The following RGS9 variants were observed in gnomAD, a reference collection of about 807,000 sequenced individuals.
RGS9 encodes the protein regulator of G protein signaling 9, also known as regulator of G-protein signalling 9.
A neutral mutation model predicts 102.0 loss-of-function variants in RGS9; 78 were observed. That is an observed-to-expected ratio of 0.76 (90% CI 0.64 to 0.92). The LOEUF is 0.92. Among genes scored for constraint, RGS9 ranks in the 40% least tolerant of loss-of-function variants. RGS9 has a pLI of 0.00. For synonymous variants in RGS9, 353 were observed against 318.6 expected, an observed-to-expected ratio of 1.11 and a Z score of -1.15; for missense variants, 833 against 866.1, an observed-to-expected ratio of 0.96 and a Z score of 0.48.
chr17:65,203,225 T>C (rs569593679), intron 14 of RGS9, among the ~76,000 whole-genome samples: 1 of 152,242 alleles, frequency 6.6e-6, no homozygotes, highest in African/African-American at 2.4e-5. Flanking sequence ...CTATTGCAAA[T>C]TTGCCCAGCT....
chr17:65,202,241 C>T lies in RGS9; in HGVS notation c.1064+161C>T, dbSNP rs189858861. 5.3e-4 allele frequency among the ~76,000 whole-genome samples: 81 copies of T among 152,200 alleles called. 1 individual carries two copies. Among genetic ancestry groups the T allele is most frequent in the Non-Finnish European group, 9.0e-4 (61 of 68,012 alleles). The stretch of plus-strand genomic sequence containing the variant: ...ACTTGCCATGCTAGAAATAGTTCCC[C>T]GCTGCTTTGGGAGGTTTGGGGGTTC... On this transcript the variant is annotated intron_variant, in intron 14 of 18. Transcript: ENST00000262406.
intron 17 of RGS9, among the ~76,000 whole-genome samples, chr17:65,216,284 A>T (rs1222803575): frequency 1.3e-5 from 2 of 152,200 alleles, no homozygotes; most frequent in African/African-American, 4.8e-5. Flanking sequence ...TTAAGCATTA[A>T]ATTTTGCTCT....
At chr17:65,144,101 C>G (rs534358141) in intron 1 of RGS9, among the ~76,000 whole-genome samples, 1 of 152,104 alleles carries the variant, frequency 6.6e-6, no homozygotes, top group African/African-American at 2.4e-5. Flanking sequence ...AGTGTCTGAG[C>G]GTCTGCGAGA....
At chr17:65,226,086 G>C (rs1905661098) in intron 18 of RGS9, among the ~76,000 whole-genome samples, 1 of 152,182 alleles carries the variant, frequency 6.6e-6, no homozygotes, top group Non-Finnish European at 1.5e-5. Flanking sequence ...ATTTTGGGTG[G>C]TCCTGCAAGC....
chr17:65,186,759 C>T (rs767902288), intron 9 of RGS9, among the ~76,000 whole-genome samples: 1 of 152,138 alleles, frequency 6.6e-6, no homozygotes, highest in Non-Finnish European at 1.5e-5. Context: ...GTTTCCTCAG[C>T]TAAAAATTAG....
At chr17:65,214,939 C>T (rs200701776) in intron 17 of RGS9, among the ~76,000 whole-genome samples, 3 of 152,204 alleles carry the variant, frequency 2.0e-5, no homozygotes, top group Non-Finnish European at 2.9e-5. Context: ...CTGCTCATAC[C>T]TCTGTCTGTG....
intron 7 of RGS9, among the ~76,000 whole-genome samples, chr17:65,163,809 T>C (rs1911075672): frequency 2.0e-5 from 3 of 152,124 alleles, no homozygotes; most frequent in Non-Finnish European, 2.9e-5. Flanking sequence ...CTGCAAGCAG[T>C]TCCTTGCAGC....
intron 11 of RGS9, 65 bp from the exon 12 acceptor site, chr17:65,193,478 C>A: frequency 1.0e-6 from 1 of 960,492 alleles, no homozygotes; most frequent in Non-Finnish European, 1.7e-6. Context: ...GTCAGTTGAC[C>A]TGTGTATTGA....
At chr17:65,162,972 G>A (rs1911044062) in intron 6 of RGS9, 41 bp from the exon 7 acceptor site, 3 of 1,138,406 alleles carry the variant, frequency 2.6e-6, no homozygotes, top group African/African-American at 3.1e-5. Flanking sequence ...CATGGCATAT[G>A]TCTTGGGGCT....
At chr17:65,191,594 A>T (rs934107839) in intron 11 of RGS9, among the ~76,000 whole-genome samples, 1 of 152,032 alleles carries the variant, frequency 6.6e-6, no homozygotes, top group Non-Finnish European at 1.5e-5. Context: ...TAAAAATACA[A>T]AAATTAGCCA....
chr17:65,157,739 G>C (rs138140099), intron 2 of RGS9, among the ~76,000 whole-genome samples: 6 of 152,196 alleles, frequency 3.9e-5, no homozygotes, highest in Admixed American at 2.6e-4. Flanking sequence ...TGGAAGGCCA[G>C]GTTCAAGTTT....
At chr17:65,150,325 A>C (rs1910529709) in intron 1 of RGS9, among the ~76,000 whole-genome samples, 1 of 152,086 alleles carries the variant, frequency 6.6e-6, no homozygotes, top group African/African-American at 2.4e-5. Flanking sequence ...AATCTTTGTA[A>C]AATTCAACCT....
chr17:65,177,788 A>G lies in RGS9; in HGVS notation c.639A>G (p.Glu213=). 6.2e-7 allele frequency: 1 copy of G among 1,614,222 alleles called. No individual in the cohort carries two copies. The highest frequency in any genetic ancestry group is 8.5e-7 in the Non-Finnish European group (1 of 1,180,008). The change falls in exon 9 of 19, where the codon GAA becomes GAG. Residue 213 remains glutamate (E), a synonymous_variant. Transcript: ENST00000262406. ...TGGACCGAGTGACCAATCCGAATGA[A>G]GTCAAGGTAAACCAGGTATGTCTCT... The part of the protein sequence containing the change: ...YGLDRVTNPN[E]VKVNQKQTVV...
At chr17:65,155,915 G>A (rs1567862896) in intron 2 of RGS9, among the ~76,000 whole-genome samples, 1 of 152,178 alleles carries the variant, frequency 6.6e-6, no homozygotes, top group Non-Finnish European at 1.5e-5. Flanking sequence ...GGGTTATGGA[G>A]ACCAAAGAGT....
chr17:65,161,129 C>G (rs1243306964), intron 6 of RGS9, among the ~76,000 whole-genome samples: 2 of 152,256 alleles, frequency 1.3e-5, no homozygotes, highest in Non-Finnish European at 2.9e-5. Context: ...AATTTAAGCC[C>G]TTGCCTCAGT....
intron 8 of RGS9, among the ~76,000 whole-genome samples, chr17:65,175,529 A>G (rs1911592699): frequency 6.6e-6 from 1 of 152,016 alleles, no homozygotes; most frequent in Non-Finnish European, 1.5e-5. Context: ...CCCCCTTGAG[A>G]CTGGGAGTGC....
chr17:65,143,116 G>A (rs1910219525), intron 1 of RGS9, among the ~76,000 whole-genome samples: 1 of 152,068 alleles, frequency 6.6e-6, no homozygotes, highest in Admixed American at 6.6e-5. Flanking sequence ...CAGGATGAGA[G>A]CCTCTGGGGA....
rs564199657 is a variant in RGS9 at position 65,165,473 on chromosome 17, A to C, written c.500+2384A>C. Among the ~76,000 whole-genome samples the C allele has an allele frequency of 4.4e-3, 588 of 134,882 alleles. 10 individuals carry two copies. Among genetic ancestry groups the C allele is most frequent in the Middle Eastern group, 8.5e-3 (2 of 236 alleles). 88.5% of individuals were successfully genotyped at this position (134,882 alleles called of 152,430 possible). A position where few individuals can be genotyped will look rare whatever the true frequency, so the allele number is the denominator to read the frequency against. On this transcript the variant is annotated intron_variant, in intron 7 of 18. Coordinates refer to ENST00000262406, the MANE Select transcript of RGS9 (RefSeq NM_003835.4). ...GTTGACCATGTAGGTTGGCCCATAA[A>C]GTAGTCATTTTGTTATGCTGAGTCC... is the stretch of plus-strand genomic sequence containing the variant.
Position 65,225,186 on chromosome 17 carries a change from A to G in RGS9, c.1592A>G (p.Glu531Gly). 2 of 1,613,416 alleles carry G rather than the reference A, an allele frequency of 1.2e-6. No homozygotes were observed. The highest frequency in any genetic ancestry group is 1.7e-6 in the Non-Finnish European group (2 of 1,179,994). ...CCCTCACCCATCAGAGTGGCCTTGG[A>G]GAGCTCATCGGGCTTGGAGCAGAAA... ...ICPSPIRVAL[E>G]SSSGLEQKGE... is the part of the protein sequence containing the mutation. The change falls in exon 18 of 19, where the codon GAG (glutamate) becomes GGG (glycine). Residue 531 changes from glutamate (E) to glycine (G), a missense_variant. Around this residue, in one of 3 missense-constraint regions of RGS9, gnomAD observed 320 missense variants for 276.8 expected, o/e 1.16. Transcript: ENST00000262406.
Sources: allele counts gnomAD v4.1 joint callset (sites outside exome capture counted in the v4.1 genomes callset), GRCh38; gene constraint gnomAD v4.1.1; regional missense constraint gnomAD v4.1.1; transcripts MANE v1.5; gene names NCBI Gene and HGNC (gene_info 2026-07-23, HGNC 2026-07-21).